The following PHLPP1 variants were observed in gnomAD, a reference collection of about 807,000 sequenced individuals.
The protein encoded by PHLPP1 is PH domain and leucine rich repeat protein phosphatase 1.
A neutral mutation model predicts 117.2 loss-of-function variants in PHLPP1; 42 were observed. The observed-to-expected ratio is 0.36, with a 90% CI of 0.28 to 0.46. The LOEUF is 0.46. PHLPP1 is among the 20% of genes least tolerant of loss of function. PHLPP1 has a pLI of 1.00. For synonymous variants in PHLPP1, 1,042 were observed against 970.7 expected (o/e 1.07, Z -1.37); for missense variants, 2,084 against 2,241.9 (o/e 0.93, Z 1.42).
At chr18:62,750,723 T>C (rs1911825336) in intron 1 of PHLPP1, among the ~76,000 whole-genome samples, 1 of 152,000 alleles carries the variant, frequency 6.6e-6, no homozygotes, top group African/African-American at 2.4e-5. Context: ...AGTTGTTTTT[T>C]TTTTTTTACA....
At chr18:62,801,226 A>G (rs934648433) in intron 1 of PHLPP1, among the ~76,000 whole-genome samples, 3 of 150,834 alleles carry the variant, frequency 2.0e-5, no homozygotes, top group South Asian at 4.2e-4. Flanking sequence ...TATTTTTAGT[A>G]GAGACGGGGT....
rs193004391 is a variant in PHLPP1 at position 62,926,347 on chromosome 18, C to T, written c.2960+6233C>T. ...CTCCATTTTTCTTAACCAGAACAAA[C>T]CAGAAAGGTTTAGCCAGAAGCTTCC... On this transcript the variant is annotated intron_variant, in intron 10 of 16. Transcript: ENST00000262719. 2.1e-3 allele frequency among the ~76,000 whole-genome samples: 321 copies of T among 152,196 alleles called. 2 individuals carry two copies. The highest frequency in any genetic ancestry group is 7.4e-3 in the African/African-American group (307 of 41,534).
At chr18:62,905,743 T>G (rs565682233) in intron 8 of PHLPP1, among the ~76,000 whole-genome samples, 3 of 152,240 alleles carry the variant, frequency 2.0e-5, no homozygotes, top group Non-Finnish European at 4.4e-5. Context: ...CGCTAAAAAT[T>G]CTTAGGAAAT....
chr18:62,789,507 T>A (rs534261547), intron 1 of PHLPP1, among the ~76,000 whole-genome samples: 18 of 152,176 alleles, frequency 1.2e-4, no homozygotes, highest in African/African-American at 3.6e-4. Flanking sequence ...TTAAAAATAT[T>A]GTTTGCAGAG....
intron 14 of PHLPP1, among the ~76,000 whole-genome samples, chr18:62,970,596 C>G (rs772851045): frequency 6.6e-6 from 1 of 152,066 alleles, no homozygotes; most frequent in Non-Finnish European, 1.5e-5. Context: ...GAAATGCTGT[C>G]TCTACAGAAA....
At chr18:62,720,136 G>A (rs167381) in intron 1 of PHLPP1, among the ~76,000 whole-genome samples, 136,058 of 152,186 alleles carry the variant, frequency 0.89, 61,009 homozygotes, top group East Asian at 0.99. Flanking sequence ...TTTTAAAATC[G>A]GACATCTTAA....
At chr18:62,859,799 A>T (rs1005930069) in intron 3 of PHLPP1, among the ~76,000 whole-genome samples, 8 of 152,212 alleles carry the variant, frequency 5.3e-5, no homozygotes, top group Non-Finnish European at 7.3e-5. Context: ...GAGATTACTG[A>T]TATCACTAAA....
chr18:62,964,406 G>T (rs1306269290), intron 14 of PHLPP1, among the ~76,000 whole-genome samples: 1 of 152,126 alleles, frequency 6.6e-6, no homozygotes, highest in African/African-American at 2.4e-5. Context: ...ACTCTTCATA[G>T]AAAATAAAAG....
At chr18:62,797,250 GT>G (rs1815677272) in intron 1 of PHLPP1, among the ~76,000 whole-genome samples, 1 of 152,014 alleles carries the variant, frequency 6.6e-6, no homozygotes, top group South Asian at 2.1e-4. Flanking sequence ...ATAATATATC[GT>G]AAATATTGCC....
intron 1 of PHLPP1, chr18:62,779,697 G>A (rs975414557): frequency 6.6e-6 from 1 of 152,072 alleles, no homozygotes; most frequent in East Asian, 1.9e-4. Context: ...CAGATTACAG[G>A]GTTCTGTCTC....
intron 4 of PHLPP1, among the ~76,000 whole-genome samples, chr18:62,865,718 T>C (rs1362198874): frequency 6.6e-6 from 1 of 152,218 alleles, no homozygotes; most frequent in Non-Finnish European, 1.5e-5. Context: ...AAAGTGAGAT[T>C]ATGTCCTTTT....
At chr18:62,952,615 A>G (rs1910495612) in intron 12 of PHLPP1, among the ~76,000 whole-genome samples, 1 of 152,206 alleles carries the variant, frequency 6.6e-6, no homozygotes, top group East Asian at 1.9e-4. Flanking sequence ...CACATTTCTC[A>G]GTAATTATAT....
At chr18:62,726,389 A>T (rs1911071117) in intron 1 of PHLPP1, among the ~76,000 whole-genome samples, 1 of 151,682 alleles carries the variant, frequency 6.6e-6, no homozygotes, top group African/African-American at 2.4e-5. Flanking sequence ...TACATAGAGA[A>T]GCTAGTTTTG....
chr18:62,806,090 C>G (rs1470131842), intron 1 of PHLPP1, among the ~76,000 whole-genome samples: 1 of 151,778 alleles, frequency 6.6e-6, no homozygotes, highest in Non-Finnish European at 1.5e-5. Flanking sequence ...GAAAGTGAAA[C>G]AAAACAAAAA....
intron 1 of PHLPP1, among the ~76,000 whole-genome samples, chr18:62,752,766 T>C (rs1911899498): frequency 6.6e-6 from 1 of 152,212 alleles, no homozygotes. Context: ...CAATATCTTT[T>C]TCAAAACTTT....
intron 1 of PHLPP1, among the ~76,000 whole-genome samples, chr18:62,821,549 C>CAAAA (rs1914456217): frequency 2.3e-5 from 3 of 129,860 alleles, no homozygotes; most frequent in African/African-American, 2.9e-5. Context: ...ACCCTTTATC[C>CAAAA]AAAAAAAAAA....
intron 4 of PHLPP1, among the ~76,000 whole-genome samples, chr18:62,872,599 G>A (rs1915931035): frequency 6.6e-6 from 1 of 152,124 alleles, no homozygotes; most frequent in African/African-American, 2.4e-5. Flanking sequence ...GGCTGAGGCA[G>A]GAGAATCGCT....
chr18:62,787,150 CT>C (rs927673015), intron 1 of PHLPP1, among the ~76,000 whole-genome samples: 5 of 151,738 alleles, frequency 3.3e-5, no homozygotes, highest in Non-Finnish European at 7.4e-5. Flanking sequence ...CTCAGGATGC[CT>C]TTTTTTTCTC....
At chr18:62,923,836 T>C (rs1482869938) in intron 10 of PHLPP1, among the ~76,000 whole-genome samples, 1 of 152,176 alleles carries the variant, frequency 6.6e-6, no homozygotes, top group Non-Finnish European at 1.5e-5. Context: ...ACATGAAATT[T>C]AAAATATTAA....
Sources: gnomAD v4.1 joint callset for allele counts (sites outside exome capture counted in the v4.1 genomes callset) on GRCh38, gnomAD v4.1.1 for gene constraint, MANE v1.5 for transcripts, NCBI Gene and HGNC (gene_info 2026-07-23, HGNC 2026-07-21) for gene names.